The following TRAPPC9 variants were observed in gnomAD, a reference collection of about 807,000 sequenced individuals.
TRAPPC9 encodes IKK2 binding protein.
TRAPPC9 carries 83 observed loss-of-function variants against 124.0 expected under a neutral mutation model. The observed-to-expected ratio is 0.67, with a 90% CI of 0.56 to 0.80. TRAPPC9 has a LOEUF of 0.80. Among genes scored for constraint, TRAPPC9 ranks in the 30% least tolerant of loss-of-function variants. TRAPPC9 has a pLI of 0.00. For missense variants in TRAPPC9, 1,302 were observed against 1,508.3 expected (o/e 0.86, Z 2.27); for synonymous variants, 638 against 617.5 (o/e 1.03, Z -0.49).
At chr8:140,302,676 AC>A (rs1415747685) in intron 10 of TRAPPC9, 2 of 152,336 alleles carry the variant, frequency 1.3e-5, no homozygotes, top group East Asian at 3.9e-4. Context: ...ACAGTCAACA[AC>A]CACTCACCTT....
intron 21 of TRAPPC9, among the ~76,000 whole-genome samples, chr8:139,755,815 T>G (rs1427100721): frequency 2.5e-5 from 3 of 120,568 alleles, no homozygotes; most frequent in East Asian, 2.5e-4. Context: ...GGTTGGGGTA[T>G]AAGGACAGCA....
intron 5 of TRAPPC9, 143 bp downstream of exon 5, chr8:140,426,472 C>A: frequency 1.1e-6 from 1 of 901,930 alleles, no homozygotes; most frequent in South Asian, 1.5e-5. Context: ...AATCATCAAG[C>A]TTTTAACAGT....
At position 140,400,727 on chromosome 8, in the gene TRAPPC9, C is replaced by T. The variant is rs756058068; in HGVS notation, c.1009-2982G>A. On this transcript the variant is annotated intron_variant, in intron 6 of 22. Transcript: ENST00000438773. ...CAAGCCAGGAGAGCCATCCCCACCC[C>T]CTCTTACACACCATGTGGCTCCAGA... is the stretch of plus-strand genomic sequence containing the variant. 7.2e-5 allele frequency among the ~76,000 whole-genome samples: 11 copies of T among 152,110 alleles called. No homozygotes were observed. The East Asian group carries it at 7.7e-4, about 11-fold the overall frequency.
intron 9 of TRAPPC9, among the ~76,000 whole-genome samples, chr8:140,322,550 G>A (rs942039255): frequency 2.0e-5 from 3 of 152,232 alleles, no homozygotes; most frequent in Middle Eastern, 3.4e-3. Context: ...AACAGAAGCC[G>A]GATGCGGTGG....
intron 19 of TRAPPC9, among the ~76,000 whole-genome samples, chr8:139,910,782 C>T (rs1371143481): frequency 1.5e-4 from 12 of 82,188 alleles, no homozygotes; most frequent in Non-Finnish European, 2.1e-4. Context: ...GCCCCTCCCA[C>T]AGCCCCCCCT....
At chr8:139,749,769 C>T (rs548742179) in intron 21 of TRAPPC9, among the ~76,000 whole-genome samples, 83 of 152,330 alleles carry the variant, frequency 5.4e-4, no homozygotes, top group Non-Finnish European at 9.8e-4. Context: ...CAGAGCCGGG[C>T]AGCTGGATGA....
chr8:139,764,686 T>C (rs1448128783), intron 21 of TRAPPC9, among the ~76,000 whole-genome samples: 1 of 152,052 alleles, frequency 6.6e-6, no homozygotes, highest in African/African-American at 2.4e-5. Context: ...AAACCCCAAG[T>C]TGGAGGCGTC....
At chr8:140,404,909 C>CGTGTGTGTGT (rs71320356) in intron 6 of TRAPPC9, among the ~76,000 whole-genome samples, 8,951 of 119,756 alleles carry the variant, frequency 0.075, 386 homozygotes, top group East Asian at 0.15. Flanking sequence ...TGTGAGCATG[C>CGTGTGTGTGT]GTGTGTGTGT....
chr8:140,405,439 C>T (rs566617654), intron 6 of TRAPPC9, 138 bp downstream of exon 6: 2 of 870,540 alleles, frequency 2.3e-6, no homozygotes, highest in African/African-American at 1.7e-5. Flanking sequence ...GCATATAGTA[C>T]TATGCATTAG....
At chr8:140,214,621 C>G (rs1314657992) in intron 17 of TRAPPC9, among the ~76,000 whole-genome samples, 1 of 152,180 alleles carries the variant, frequency 6.6e-6, no homozygotes, top group East Asian at 1.9e-4. Flanking sequence ...CATTGTCGTT[C>G]AATTTTACAG....
chr8:140,083,849 T>C (rs1454680560), intron 17 of TRAPPC9, among the ~76,000 whole-genome samples: 3 of 152,050 alleles, frequency 2.0e-5, no homozygotes, highest in Non-Finnish European at 4.4e-5. Context: ...GTATTTTTAG[T>C]AGAGATGGGG....
intron 17 of TRAPPC9, among the ~76,000 whole-genome samples, chr8:140,089,936 T>C (rs1164838683): frequency 6.6e-6 from 1 of 152,064 alleles, no homozygotes; most frequent in Non-Finnish European, 1.5e-5. Flanking sequence ...AAAAAGTAGC[T>C]GGGTGTGGCG....
chr8:139,839,609 A>C, intron 21 of TRAPPC9, among the ~76,000 whole-genome samples: 1 of 152,198 alleles, frequency 6.6e-6, no homozygotes, highest in Non-Finnish European at 1.5e-5. Flanking sequence ...TCATGTTCGG[A>C]ACCCACAGTA....
At chr8:140,439,277 C>T in intron 2 of TRAPPC9, 80 bp from the exon 3 acceptor site, 1 of 1,494,034 alleles carries the variant, frequency 6.7e-7, no homozygotes, top group Admixed American at 1.7e-5. Flanking sequence ...CTATTCAATT[C>T]TCTCACTACT....
At chr8:139,746,573 G>C (rs1818907992) in intron 21 of TRAPPC9, among the ~76,000 whole-genome samples, 1 of 152,214 alleles carries the variant, frequency 6.6e-6, no homozygotes. Context: ...GAAGACACGA[G>C]GTGGTCAGAG....
At chr8:140,337,448 G>A (rs1206756528) in intron 9 of TRAPPC9, among the ~76,000 whole-genome samples, 1 of 152,184 alleles carries the variant, frequency 6.6e-6, no homozygotes, top group Admixed American at 6.5e-5. Flanking sequence ...CTGGGTGAGT[G>A]AGAAAATTAA....
At chr8:140,425,200 A>G (rs945550627) in intron 5 of TRAPPC9, among the ~76,000 whole-genome samples, 1 of 152,262 alleles carries the variant, frequency 6.6e-6, no homozygotes, top group African/African-American at 2.4e-5. Context: ...AGAAGGCATT[A>G]GCAGGAACTG....
At chr8:139,850,934 T>C (rs866491893) in intron 21 of TRAPPC9, among the ~76,000 whole-genome samples, 9 of 152,280 alleles carry the variant, frequency 5.9e-5, no homozygotes, top group Middle Eastern at 3.4e-3. Context: ...ATATCCTCCA[T>C]GCTCAAAAGA....
intron 21 of TRAPPC9, among the ~76,000 whole-genome samples, chr8:139,739,228 G>A (rs917608620): frequency 2.0e-5 from 3 of 151,760 alleles, no homozygotes; most frequent in East Asian, 2.0e-4. Flanking sequence ...CTCTCCTCCC[G>A]GACACCCAGC....
Sources: gnomAD v4.1 joint callset for allele counts (sites outside exome capture counted in the v4.1 genomes callset) on GRCh38, gnomAD v4.1.1 for gene constraint, MANE v1.5 for transcripts, NCBI Gene and HGNC (gene_info 2026-07-23, HGNC 2026-07-21) for gene names.